The following NRG4 variants were observed in gnomAD, a reference collection of about 807,000 sequenced individuals.
The protein encoded by NRG4 is pro-neuregulin-4, membrane-bound isoform.
Under a neutral mutation model 15.0 loss-of-function variants are expected in NRG4, and 10 were observed. The observed-to-expected ratio is 0.67, with a 90% CI of 0.41 to 1.13. The LOEUF (loss-of-function observed/expected upper bound fraction) is 1.13. Ranked by LOEUF, NRG4 falls within the 50% of genes most tolerant of loss-of-function variation. The probability of loss-of-function intolerance (pLI) is 0.00; values close to 1 mark genes in which losing one functional copy is unlikely to be tolerated. For missense variants in NRG4, 139 were observed against 140.2 expected (o/e 0.99, Z 0.04); for synonymous variants, 41 against 50.1 (o/e 0.82, Z 0.77).
intron 5 of NRG4, among the ~76,000 whole-genome samples, chr15:75,944,768 T>TG (rs755812813): frequency 0.051 from 5,825 of 115,096 alleles, 204 homozygotes; most frequent in African/African-American, 0.11. Context: ...TGTGTGTGTG[T>TG]GGGGGGGTGG....
intron 5 of NRG4, among the ~76,000 whole-genome samples, chr15:75,944,768 T>TGTGTG (rs1555428878): frequency 8.7e-5 from 10 of 115,130 alleles, no homozygotes; most frequent in African/African-American, 2.9e-4. Context: ...TGTGTGTGTG[T>TGTGTG]GGGGGGGTGG....
chr15:76,038,114 A>T (rs898723432), intron 4 of NRG4, among the ~76,000 whole-genome samples: 2 of 152,214 alleles, frequency 1.3e-5, no homozygotes, highest in African/African-American at 4.8e-5. Context: ...AGTGATACTT[A>T]GGTAGTATGG....
chr15:76,027,830 TA>T lies in NRG4; in HGVS notation c.-57+8113del, dbSNP rs1232351829. 2.0e-5 allele frequency among the ~76,000 whole-genome samples: 3 copies of T among 152,152 alleles called. No homozygotes were observed. In the South Asian group the frequency reaches 6.2e-4, roughly 31 times the overall value. ...AAAAAAATTGAAATATCAAGTAACTTATTTTACCACAATGGATAAAACTTCA... is the reference window on the plus strand; with the variant it reads ...AAAAAAATTGAAATATCAAGTAACTTTTTTACCACAATGGATAAAACTTCA... On this transcript the variant is annotated intron_variant, in intron 5 of 8. Transcript: ENST00000563910.
chr15:75,957,742 A>G (rs1043101012), intron 4 of NRG4, among the ~76,000 whole-genome samples: 7 of 151,884 alleles, frequency 4.6e-5, no homozygotes, highest in African/African-American at 9.7e-5. Flanking sequence ...AGACACACAC[A>G]CTCTGGTCAC....
chr15:76,030,275 A>G (rs1218458602), intron 5 of NRG4, among the ~76,000 whole-genome samples: 2 of 151,292 alleles, frequency 1.3e-5, no homozygotes, highest in Non-Finnish European at 2.9e-5. Flanking sequence ...AACAACAACA[A>G]ACAAACAAAC....
At position 75,995,519 on chromosome 15, in the gene NRG4, C is replaced by T. The variant is rs561484836; in HGVS notation, c.104+13681G>A. On this transcript the variant is annotated intron_variant, in intron 3 of 5. Coordinates refer to ENST00000394907, the MANE Select transcript of NRG4 (RefSeq NM_138573.4). ...CCAAACACCTCCCACTAGGCCCCCCCGCCCCAAACACTAGGGATCATACTT... is the reference window on the plus strand; with the variant it reads ...CCAAACACCTCCCACTAGGCCCCCCTGCCCCAAACACTAGGGATCATACTT... Among the ~76,000 whole-genome samples the T allele has an allele frequency of 1.2e-3, 189 of 152,182 alleles. 1 individual carries two copies. Among genetic ancestry groups the T allele is most frequent in the African/African-American group, 4.2e-3 (176 of 41,514 alleles).
chr15:76,024,598 C>T (rs917916783), intron 5 of NRG4, among the ~76,000 whole-genome samples: 2 of 152,176 alleles, frequency 1.3e-5, no homozygotes, highest in African/African-American at 4.8e-5. Context: ...GTGCCTGTGC[C>T]ACCAGCCAGA....
chr15:75,942,537 T>C lies in NRG4; in HGVS notation c.*1101A>G, dbSNP rs2031103473. On this transcript the variant is annotated 3_prime_UTR_variant, in exon 6 of 6. Coordinates refer to ENST00000394907, the MANE Select transcript of NRG4 (RefSeq NM_138573.4). ...TGTGAGAGCTTTTCATTTTGTGTAC[T>C]CTGTCTCAATGTCTTACCCTCATGT... 6.6e-6 allele frequency: 1 copy of C among 152,212 alleles called. No homozygotes were observed. The allele number at this position is 152,212 out of a possible 1,614,324, so 9.4% of individuals were successfully genotyped here. A position where few individuals can be genotyped will look rare whatever the true frequency, so the allele number is the denominator to read the frequency against.
chr15:75,971,694 C>T (rs889620519), intron 3 of NRG4, among the ~76,000 whole-genome samples: 1 of 151,856 alleles, frequency 6.6e-6, no homozygotes, highest in East Asian at 1.9e-4. Flanking sequence ...CTTAAAATTC[C>T]CAGAAAAAGG....
chr15:75,990,044 T>C (rs189404507), intron 3 of NRG4, among the ~76,000 whole-genome samples: 4 of 152,252 alleles, frequency 2.6e-5, no homozygotes, highest in African/African-American at 9.6e-5. Flanking sequence ...ACCCTAGGTC[T>C]TCACCAAGGA....
chr15:76,043,013 A>C lies in NRG4; in HGVS notation c.-104-7022T>G, dbSNP rs2035782960. Among the ~76,000 whole-genome samples, 4 of 152,356 alleles carry C rather than the reference A, an allele frequency of 2.6e-5. No homozygotes were observed. In the South Asian group the frequency reaches 8.3e-4, roughly 32 times the overall value. On this transcript the variant is annotated intron_variant, in intron 4 of 8. Transcript: ENST00000563910. The stretch of plus-strand genomic sequence containing the variant: ...AAGGATGGTTCAACATACACAAATC[A>C]ATGTGATACATCATATCAAAAGAAT...
intron 3 of NRG4, among the ~76,000 whole-genome samples, chr15:75,986,202 AACAT>A (rs1379087054): frequency 2.0e-5 from 3 of 152,202 alleles, no homozygotes; most frequent in Non-Finnish European, 2.9e-5. Flanking sequence ...AAAGTTAGGC[AACAT>A]ACTCTGCTAG....
At chr15:76,015,084 G>A (rs2034935328), upstream of NRG4, among the ~76,000 whole-genome samples, 1 of 152,068 alleles carries the variant, frequency 6.6e-6, no homozygotes, top group South Asian at 2.1e-4. Flanking sequence ...GTATTCCTAG[G>A]TATTTTATTC....
At chr15:75,996,627 T>A (rs541949579) in intron 3 of NRG4, among the ~76,000 whole-genome samples, 1 of 152,278 alleles carries the variant, frequency 6.6e-6, no homozygotes, top group Non-Finnish European at 1.5e-5. Flanking sequence ...AAATTTCTAT[T>A]TGTAACCATT....
At chr15:75,959,185 G>T in intron 4 of NRG4, 1 of 356,186 alleles carries the variant, frequency 2.8e-6, no homozygotes, top group South Asian at 2.2e-5. Context: ...ACGGGGTCTT[G>T]CTATGTTGTC....
At chr15:75,990,011 G>A (rs115766436) in intron 3 of NRG4, among the ~76,000 whole-genome samples, 335 of 152,244 alleles carry the variant, frequency 2.2e-3, no homozygotes, top group African/African-American at 7.4e-3. Flanking sequence ...CCTCAAGAGT[G>A]ACTCTTTGGA....
intron 3 of NRG4, among the ~76,000 whole-genome samples, chr15:75,970,673 A>C (rs559404264): frequency 2.8e-4 from 43 of 152,342 alleles, no homozygotes; most frequent in Admixed American, 6.5e-4. Context: ...CCACCTCCAC[A>C]CTGTGCAATG....
At chr15:75,971,469 G>A (rs1388289177) in intron 3 of NRG4, among the ~76,000 whole-genome samples, 1 of 152,194 alleles carries the variant, frequency 6.6e-6, no homozygotes, top group Admixed American at 6.5e-5. Flanking sequence ...TTGTGTTTCT[G>A]TGTTTACTCT....
At position 75,961,855 on chromosome 15, in the gene NRG4, A is replaced by G. The variant is rs1567077926; in HGVS notation, c.224T>C (p.Ile75Thr). Reference protein sequence around the residue: ...FVALAVLVTLIIGAFYFLCRK... With the variant: ...FVALAVLVTLTIGAFYFLCRK... ...GCAAAGGAAGTAGAAGGCTCCAATG[A>G]TAAGTGTTACTAGGACCGCCAATGC... Residue 75 changes from isoleucine (I) to threonine (T), a missense_variant, in exon 4 of 6, where the codon ATC becomes ACC. Physicochemically the swap from Ile to Thr is moderately conservative, Grantham distance 89 (BLOSUM62 -1). Transcript: ENST00000394907. 5.0e-6 allele frequency: 8 copies of G among 1,613,424 alleles called. No individual in the cohort carries two copies. Among genetic ancestry groups the G allele is most frequent in the Admixed American group, 3.3e-5 (2 of 59,974 alleles).
Sources: allele counts gnomAD v4.1 joint callset (sites outside exome capture counted in the v4.1 genomes callset), GRCh38; gene constraint gnomAD v4.1.1; transcripts MANE v1.5; gene names NCBI Gene and HGNC (gene_info 2026-07-23, HGNC 2026-07-21).